Variants in KCND3 observed in about 807,000 individuals in gnomAD.
The protein encoded by KCND3 is potassium voltage-gated channel subfamily D member 3.
Under a neutral mutation model 51.1 loss-of-function variants are expected in KCND3, and 9 were observed. That is an observed-to-expected ratio of 0.18 (90% CI 0.11 to 0.31). The LOEUF is 0.31. KCND3 is among the 10% of genes least tolerant of loss of function. KCND3 has a pLI of 1.00. For synonymous variants in KCND3, 349 were observed against 368.0 expected (o/e 0.95, Z 0.59); for missense variants, 526 against 903.8 (o/e 0.58, Z 5.36).
At chr1:111,979,998 A>G (rs1263965656) in intron 2 of KCND3, among the ~76,000 whole-genome samples, 1 of 152,084 alleles carries the variant, frequency 6.6e-6, no homozygotes, top group Non-Finnish European at 1.5e-5. Flanking sequence ...GCCATGGGTG[A>G]GGTCCCCTTC....
intron 2 of KCND3, among the ~76,000 whole-genome samples, chr1:111,900,113 T>C (rs1218853010): frequency 6.6e-6 from 1 of 152,112 alleles, no homozygotes; most frequent in Non-Finnish European, 1.5e-5. Context: ...CCATTACATA[T>C]ATACAGACAT....
intron 2 of KCND3, among the ~76,000 whole-genome samples, chr1:111,972,993 T>C (rs1674426512): frequency 6.6e-6 from 1 of 152,248 alleles, no homozygotes; most frequent in Non-Finnish European, 1.5e-5. Flanking sequence ...AAGCCTGTAA[T>C]TATGGTTAAC....
At chr1:111,974,665 C>G (rs1674530563) in intron 2 of KCND3, among the ~76,000 whole-genome samples, 1 of 152,176 alleles carries the variant, frequency 6.6e-6, no homozygotes, top group South Asian at 2.1e-4. Context: ...GCATTTCCCT[C>G]CTCCTGAAGA....
chr1:111,788,768 C>T (rs1211093056), intron 2 of KCND3, among the ~76,000 whole-genome samples: 1 of 152,172 alleles, frequency 6.6e-6, no homozygotes, highest in Non-Finnish European at 1.5e-5. Flanking sequence ...TCAAGACTCA[C>T]CCTGCTCCAT....
chr1:111,868,284 C>T (rs1449012616), intron 2 of KCND3, among the ~76,000 whole-genome samples: 3 of 152,178 alleles, frequency 2.0e-5, no homozygotes, highest in Non-Finnish European at 2.9e-5. Context: ...CCAGCACATC[C>T]GCTGTCCACG....
chr1:111,784,562 C>T (rs1664527569), intron 3 of KCND3, among the ~76,000 whole-genome samples: 1 of 152,174 alleles, frequency 6.6e-6, no homozygotes, highest in Non-Finnish European at 1.5e-5. Flanking sequence ...ACTCCAGCTC[C>T]CAATTATGTG....
chr1:111,934,102 C>A (rs966380618), intron 2 of KCND3, among the ~76,000 whole-genome samples: 7 of 152,124 alleles, frequency 4.6e-5, no homozygotes, highest in Non-Finnish European at 7.4e-5. Context: ...TTGTGGCAGC[C>A]GAGCTTCTCC....
At chr1:111,960,510 G>A (rs1355542283) in intron 2 of KCND3, among the ~76,000 whole-genome samples, 1 of 152,214 alleles carries the variant, frequency 6.6e-6, no homozygotes. Flanking sequence ...CACAGCAGTG[G>A]TCAGGCACGG....
intron 2 of KCND3, among the ~76,000 whole-genome samples, chr1:111,832,419 G>A (rs1019470142): frequency 6.6e-6 from 1 of 152,074 alleles, no homozygotes; most frequent in African/African-American, 2.4e-5. Flanking sequence ...GGGTTTTGTC[G>A]ACCAAAGCCA....
At chr1:111,949,724 G>A (rs1050295899) in intron 2 of KCND3, among the ~76,000 whole-genome samples, 3 of 151,140 alleles carry the variant, frequency 2.0e-5, no homozygotes, top group East Asian at 1.9e-4. Flanking sequence ...GTACCCTTCC[G>A]GTTGATGAAC....
chr1:111,873,175 G>A (rs1259422335), intron 2 of KCND3, among the ~76,000 whole-genome samples: 2 of 152,228 alleles, frequency 1.3e-5, no homozygotes, highest in African/African-American at 4.8e-5. Context: ...CCCTTGTGCA[G>A]TATCCCTGCC....
intron 2 of KCND3, among the ~76,000 whole-genome samples, chr1:111,890,213 G>C (rs1237898110): frequency 6.6e-6 from 1 of 152,194 alleles, no homozygotes; most frequent in Non-Finnish European, 1.5e-5. Context: ...AAGGAGTCAG[G>C]AATGCAAGTG....
At chr1:111,819,524 C>T (rs1666254349) in intron 2 of KCND3, among the ~76,000 whole-genome samples, 1 of 152,158 alleles carries the variant, frequency 6.6e-6, no homozygotes, top group Non-Finnish European at 1.5e-5. Context: ...TAATGCGGAA[C>T]AATTAAGACT....
intron 2 of KCND3, among the ~76,000 whole-genome samples, chr1:111,885,432 C>A (rs1452746476): frequency 6.6e-6 from 1 of 152,210 alleles, no homozygotes; most frequent in African/African-American, 2.4e-5. Context: ...GGATTCCAGA[C>A]TTTGTTAGTG....
intron 2 of KCND3, among the ~76,000 whole-genome samples, chr1:111,865,546 T>C (rs1226750489): frequency 6.6e-6 from 1 of 152,210 alleles, no homozygotes; most frequent in African/African-American, 2.4e-5. Context: ...TTTTTGTGTT[T>C]CTATAAATTA....
intron 2 of KCND3, among the ~76,000 whole-genome samples, chr1:111,836,561 G>A (rs1227562572): frequency 6.6e-6 from 1 of 152,040 alleles, no homozygotes; most frequent in Non-Finnish European, 1.5e-5. Flanking sequence ...TGTGAGGGTG[G>A]GCTTTTTCTC....
intron 2 of KCND3, among the ~76,000 whole-genome samples, chr1:111,959,762 G>C (rs1188421209): frequency 6.6e-6 from 1 of 152,168 alleles, no homozygotes; most frequent in African/African-American, 2.4e-5. Context: ...CTCTTCCTCA[G>C]AGGCTGGAGG....
chr1:111,834,503 A>T lies in KCND3; in HGVS notation c.1107-47397T>A, dbSNP rs144083141. On this transcript the variant is annotated intron_variant, in intron 2 of 7. Coordinates refer to ENST00000302127, the MANE Select transcript of KCND3 (RefSeq NM_001378969.1). Reference sequence around the variant, plus strand: ...CTGTACTTACTGAGAACACAGAAACATATATAATCTGAAACTTGGAAAGGA... The same window carrying T: ...CTGTACTTACTGAGAACACAGAAACTTATATAATCTGAAACTTGGAAAGGA... 3.0e-3 allele frequency among the ~76,000 whole-genome samples: 464 copies of T among 152,368 alleles called. 5 individuals carry two copies. The highest frequency in any genetic ancestry group is 0.011 in the African/African-American group (443 of 41,588).
intron 2 of KCND3, among the ~76,000 whole-genome samples, chr1:111,805,503 G>T (rs1665524644): frequency 6.6e-6 from 1 of 152,240 alleles, no homozygotes; most frequent in Non-Finnish European, 1.5e-5. Context: ...CACATACCCT[G>T]TGCATTTCAA....
Sources: gnomAD v4.1 joint callset for allele counts (sites outside exome capture counted in the v4.1 genomes callset) on GRCh38, gnomAD v4.1.1 for gene constraint, MANE v1.5 for transcripts, NCBI Gene and HGNC (gene_info 2026-07-23, HGNC 2026-07-21) for gene names.